HACE1: variants seen among roughly 807,000 people sequenced by gnomAD.
HACE1 encodes HECT domain and ankyrin repeat containing E3 ubiquitin protein ligase 1, also known as E3 ubiquitin-protein ligase HACE1.
HACE1 carries 73 observed loss-of-function variants against 118.4 expected under a neutral mutation model. The observed-to-expected ratio is 0.62, with a 90% confidence interval of 0.51 to 0.75. HACE1 has a LOEUF of 0.75. HACE1 is among the 30% of genes least tolerant of loss of function. HACE1 has a pLI of 0.00. For missense variants in HACE1, 749 were observed against 1,102.2 expected, an observed-to-expected ratio of 0.68 and a Z score of 4.54; for synonymous variants, 368 against 374.8, an observed-to-expected ratio of 0.98 and a Z score of 0.21.
chr6:104,831,992 A>AAGAG (rs1562471497), intron 6 of HACE1, among the ~76,000 whole-genome samples: 115 of 110,050 alleles, frequency 1.0e-3, no homozygotes, highest in East Asian at 4.7e-3. Context: ...GGAAGGAAGG[A>AAGAG]AGGAAGGAAG....
intron 4 of HACE1, among the ~76,000 whole-genome samples, chr6:104,848,917 A>G (rs1775913059): frequency 6.6e-6 from 1 of 152,212 alleles, no homozygotes; most frequent in Admixed American, 6.5e-5. Context: ...TATGATAGCT[A>G]TTTTTAAATT....
intron 14 of HACE1, among the ~76,000 whole-genome samples, chr6:104,783,043 C>T (rs1335074889): frequency 1.3e-5 from 2 of 152,180 alleles, no homozygotes; most frequent in African/African-American, 4.8e-5. Flanking sequence ...ATTGGATGAC[C>T]TCAATCTACC....
intron 19 of HACE1, among the ~76,000 whole-genome samples, chr6:104,768,085 T>C (rs1582372590): frequency 6.6e-6 from 1 of 152,202 alleles, no homozygotes; most frequent in East Asian, 1.9e-4. Flanking sequence ...CATCTGCCTA[T>C]ATTGCTTGTA....
At chr6:104,808,142 C>T (rs995916684) in intron 7 of HACE1, among the ~76,000 whole-genome samples, 3 of 151,416 alleles carry the variant, frequency 2.0e-5, no homozygotes, top group Admixed American at 6.6e-5. Flanking sequence ...GCCAAGATCA[C>T]GCCACTGCAC....
intron 17 of HACE1, among the ~76,000 whole-genome samples, chr6:104,775,353 T>C (rs9391240): frequency 0.87 from 131,573 of 151,694 alleles, 57,457 homozygotes; most frequent in East Asian, 1. Context: ...CACTGCCCTC[T>C]AGCCTGGGTG....
Position 104,815,007 on chromosome 6 carries a change from C to T in HACE1, c.535-3614G>A, listed in dbSNP as rs1248132064. On this transcript the variant is annotated intron_variant, in intron 6 of 23. Transcript: ENST00000262903. ...TGAAAAATTGACTAATATAGAAAAT[C>T]AGTACCAGGAGTGGGACACTCCTAT... Among the ~76,000 whole-genome samples, 13 of 137,918 alleles carry T rather than the reference C, an allele frequency of 9.4e-5. 4 individuals carry two copies. Among genetic ancestry groups the T allele is most frequent in the African/African-American group, 3.2e-4 (11 of 34,302 alleles). 90.5% of individuals were successfully genotyped at this position (137,918 alleles called of 152,430 possible).
At chr6:104,780,009 G>A (rs1781561896) in intron 14 of HACE1, among the ~76,000 whole-genome samples, 1 of 151,940 alleles carries the variant, frequency 6.6e-6, no homozygotes, top group Non-Finnish European at 1.5e-5. Context: ...TTACCAAAGA[G>A]AAAAATACAT....
At chr6:104,851,317 CG>C (rs1331034951) in intron 2 of HACE1, among the ~76,000 whole-genome samples, 1 of 152,150 alleles carries the variant, frequency 6.6e-6, no homozygotes, top group Non-Finnish European at 1.5e-5. Context: ...CTCTTGACCT[CG>C]TGATCTGCCT....
Position 104,859,552 on chromosome 6 carries a change from C to G in HACE1, c.76+15G>C, listed in dbSNP as rs778146974. 2 of 1,511,064 alleles carry G rather than the reference C, an allele frequency of 1.3e-6. No individual in the cohort carries two copies. The highest frequency in any genetic ancestry group is 1.2e-5 in the South Asian group (1 of 81,286). The allele number at this position is 1,511,064 out of a possible 1,614,324, so 93.6% of individuals were successfully genotyped here. On this transcript the variant is annotated intron_variant, in intron 1 of 23. Coordinates refer to ENST00000262903, the MANE Select transcript of HACE1 (RefSeq NM_020771.4). The stretch of plus-strand genomic sequence containing the variant: ...CCCAGCCCCGCGGCCAGCCTGGCCC[C>G]GCGACCCGGCTCACCCTCGGGCAAC...
At chr6:104,822,216 A>AT (rs1301926491) in intron 6 of HACE1, among the ~76,000 whole-genome samples, 1 of 150,358 alleles carries the variant, frequency 6.7e-6, no homozygotes, top group Non-Finnish European at 1.5e-5. Context: ...AAAAAAAAAA[A>AT]AAAAAAATAC....
intron 11 of HACE1, among the ~76,000 whole-genome samples, chr6:104,789,587 A>ACATTTAAATCAATATTTAAAT (rs1347625416): frequency 1.3e-5 from 2 of 152,276 alleles, no homozygotes; most frequent in South Asian, 2.1e-4. Flanking sequence ...TAGAAAACTA[A>ACATTTAAATCAATATTTAAAT]CATTTAAATC....
intron 1 of HACE1, 70 bp downstream of exon 1, chr6:104,859,497 G>T: frequency 8.8e-7 from 1 of 1,139,996 alleles, no homozygotes; most frequent in South Asian, 1.6e-5. Context: ...CGACCTTGAC[G>T]CGGCCGGAGC....
At chr6:104,792,203 CT>C (rs1174649186) in intron 10 of HACE1, among the ~76,000 whole-genome samples, 43 of 152,260 alleles carry the variant, frequency 2.8e-4, no homozygotes, top group Non-Finnish European at 5.7e-4. Context: ...AAGTTGCTAT[CT>C]GCATTAGGTT....
chr6:104,841,983 T>C (rs368945347), intron 5 of HACE1, among the ~76,000 whole-genome samples: 24 of 152,256 alleles, frequency 1.6e-4, no homozygotes, highest in East Asian at 9.6e-4. Flanking sequence ...AAGAAAGTGG[T>C]ATGGCAAAAT....
intron 6 of HACE1, among the ~76,000 whole-genome samples, chr6:104,817,390 C>CCTTGCACACACTCTCTCTCTCCTGCTG (rs1298908352): frequency 3.3e-5 from 5 of 152,064 alleles, no homozygotes; most frequent in Non-Finnish European, 7.4e-5. Flanking sequence ...GGCACTTCCC[C>CCTTGCACACACTCTCTCTCTCCTGCTG]CTTGCACACA....
chr6:104,790,005 C>A (rs890334562), intron 11 of HACE1, among the ~76,000 whole-genome samples: 2 of 151,286 alleles, frequency 1.3e-5, no homozygotes, highest in African/African-American at 2.4e-5. Context: ...GGAAGTGGTA[C>A]GTGAAAAGCC....
chr6:104,756,897 G>A (rs6901694), intron 19 of HACE1, among the ~76,000 whole-genome samples: 16,709 of 152,280 alleles, frequency 0.11, 957 homozygotes, highest in Admixed American at 0.15. Context: ...ATTCCCTTCT[G>A]TGCCTGGCTC....
At chr6:104,809,884 G>A (rs1460073636) in intron 7 of HACE1, among the ~76,000 whole-genome samples, 1 of 151,040 alleles carries the variant, frequency 6.6e-6, no homozygotes, top group East Asian at 1.9e-4. Flanking sequence ...GAGAGAGAGA[G>A]AAATAAAAAA....
chr6:104,733,205 C>T (rs1436990975), intron 22 of HACE1, among the ~76,000 whole-genome samples: 1 of 152,088 alleles, frequency 6.6e-6, no homozygotes, highest in African/African-American at 2.4e-5. Context: ...GATTTTTATA[C>T]AAATTATAGC....
Sources: gnomAD v4.1 joint callset for allele counts (sites outside exome capture counted in the v4.1 genomes callset) on GRCh38, gnomAD v4.1.1 for gene constraint, MANE v1.5 for transcripts, NCBI Gene and HGNC (gene_info 2026-07-23, HGNC 2026-07-21) for gene names.